The following SNTG1 variants were observed in gnomAD, a reference collection of about 807,000 sequenced individuals.
The protein encoded by SNTG1 is gamma-1-syntrophin.
SNTG1 carries 39 observed loss-of-function variants against 74.7 expected under a neutral mutation model. That is an observed-to-expected ratio of 0.52 (90% confidence interval 0.40 to 0.68). The LOEUF (loss-of-function observed/expected upper bound fraction) is 0.68. SNTG1 is among the 30% of genes least tolerant of loss of function. SNTG1 has a pLI of 0.00. For missense variants in SNTG1, 685 were observed against 609.5 expected, an observed-to-expected ratio of 1.12 and a Z score of -1.30; for synonymous variants, 254 against 217.1, an observed-to-expected ratio of 1.17 and a Z score of -1.49.
intron 9 of SNTG1, among the ~76,000 whole-genome samples, chr8:50,507,842 A>T (rs1425752420): frequency 3.6e-5 from 5 of 137,280 alleles, no homozygotes; most frequent in Admixed American, 7.3e-5. Context: ...CCCTCCCCAC[A>T]CCCCCAAACA....
At chr8:50,130,042 C>G (rs1445729383) in intron 1 of SNTG1, among the ~76,000 whole-genome samples, 1 of 152,142 alleles carries the variant, frequency 6.6e-6, no homozygotes. Flanking sequence ...AAAAAATGTT[C>G]ATGTGAATGT....
In SNTG1 at chr8:50,522,167, A is replaced by G. The variant is rs1026807768; in HGVS notation, c.467-8010A>G. The stretch of plus-strand genomic sequence containing the variant: ...AAACTTTGAAATTCCTTTTTCATCC[A>G]TGGGCTGCAGAATGGATTTTGTGTT... On this transcript the variant is annotated intron_variant, in intron 9 of 18. Coordinates refer to ENST00000642720, the MANE Select transcript of SNTG1 (RefSeq NM_018967.5). Among the ~76,000 whole-genome samples the G allele has an allele frequency of 7.9e-5, 12 of 152,188 alleles. No homozygotes were observed. The East Asian group carries it at 1.4e-3, about 17-fold the overall frequency.
intron 13 of SNTG1, among the ~76,000 whole-genome samples, chr8:50,623,331 G>GA: frequency 6.6e-6 from 1 of 152,146 alleles, no homozygotes; most frequent in Non-Finnish European, 1.5e-5. Flanking sequence ...TTGCTTTGTT[G>GA]AAAAAATTTC....
chr8:50,277,124 G>A (rs1297125478), intron 2 of SNTG1, among the ~76,000 whole-genome samples: 2 of 152,000 alleles, frequency 1.3e-5, no homozygotes, highest in Non-Finnish European at 2.9e-5. Context: ...CACAGCACCT[G>A]GCCAAAGTGG....
intron 2 of SNTG1, among the ~76,000 whole-genome samples, chr8:50,393,803 TC>T (rs1245989680): frequency 7.2e-5 from 11 of 152,218 alleles, no homozygotes; most frequent in Admixed American, 2.6e-4. Context: ...CAATCTTTTT[TC>T]ATGAGGTAAC....
intron 2 of SNTG1, among the ~76,000 whole-genome samples, chr8:50,369,291 G>T (rs548947789): frequency 6.6e-6 from 1 of 152,204 alleles, no homozygotes; most frequent in South Asian, 2.1e-4. Context: ...CATAATATTG[G>T]TGTCCTTTAA....
chr8:50,180,094 T>G (rs1394837421), intron 2 of SNTG1, among the ~76,000 whole-genome samples: 4 of 152,232 alleles, frequency 2.6e-5, no homozygotes, highest in African/African-American at 7.2e-5. Flanking sequence ...ATAATACTAT[T>G]CAGTCTTAAA....
chr8:50,346,275 T>C (rs545810497), intron 2 of SNTG1, among the ~76,000 whole-genome samples: 1 of 152,228 alleles, frequency 6.6e-6, no homozygotes, highest in Non-Finnish European at 1.5e-5. Context: ...TATTTCAAAC[T>C]ATTTCGTTAT....
At chr8:50,526,591 G>A (rs2094221410) in intron 9 of SNTG1, among the ~76,000 whole-genome samples, 1 of 151,412 alleles carries the variant, frequency 6.6e-6, no homozygotes, top group Non-Finnish European at 1.5e-5. Context: ...CTTCATCAAA[G>A]TCAGCATATA....
intron 1 of SNTG1, among the ~76,000 whole-genome samples, chr8:49,976,798 C>T (rs1009672308): frequency 2.0e-5 from 3 of 152,094 alleles, no homozygotes; most frequent in African/African-American, 7.2e-5. Context: ...AGAAATTTTG[C>T]TTAAATTCTG....
intron 12 of SNTG1, among the ~76,000 whole-genome samples, chr8:50,557,921 G>A (rs536928272): frequency 1.3e-5 from 2 of 152,272 alleles, no homozygotes; most frequent in Admixed American, 1.3e-4. Context: ...TGCTTGGGGT[G>A]GGCCCAGAGC....
At chr8:50,748,526 C>T (rs2095560146) in intron 17 of SNTG1, among the ~76,000 whole-genome samples, 1 of 151,988 alleles carries the variant, frequency 6.6e-6, no homozygotes, top group African/African-American at 2.4e-5. Flanking sequence ...TGCTAATTTA[C>T]AGGCATACCT....
intron 12 of SNTG1, among the ~76,000 whole-genome samples, chr8:50,554,223 A>T (rs1488011648): frequency 6.6e-6 from 1 of 152,178 alleles, no homozygotes; most frequent in Non-Finnish European, 1.5e-5. Flanking sequence ...TATTTCAAAC[A>T]ACGCCATCAT....
At chr8:50,789,107 T>C (rs985582840) in intron 18 of SNTG1, among the ~76,000 whole-genome samples, 2 of 152,002 alleles carry the variant, frequency 1.3e-5, no homozygotes, top group Non-Finnish European at 1.5e-5. Context: ...CTGCTTGTAG[T>C]AGACTTGCCT....
chr8:50,276,372 T>TA, intron 2 of SNTG1, among the ~76,000 whole-genome samples: 1 of 53,224 alleles, frequency 1.9e-5, no homozygotes, highest in Middle Eastern at 0.01. Context: ...GCAAGTAAAT[T>TA]TTATATATAT....
At chr8:50,117,847 T>A (rs759258697) in intron 1 of SNTG1, among the ~76,000 whole-genome samples, 4 of 152,126 alleles carry the variant, frequency 2.6e-5, no homozygotes, top group Non-Finnish European at 5.9e-5. Context: ...TAATATTAGG[T>A]CTGAAGTTAG....
At chr8:50,490,199 T>A (rs1217728196) in intron 8 of SNTG1, among the ~76,000 whole-genome samples, 1 of 152,214 alleles carries the variant, frequency 6.6e-6, no homozygotes, top group South Asian at 2.1e-4. Context: ...CGAAATCAAG[T>A]AACATGATGC....
rs188936986 is a variant in SNTG1, at chr8:50,100,610, A to G, written c.-102-71951A>G. ...TATATTAACACAATATTATAATTGA[A>G]TATTTACTTGACAAACTTTTGAGGT... On this transcript the variant is annotated intron_variant, in intron 1 of 18. Coordinates refer to ENST00000642720, the MANE Select transcript of SNTG1 (RefSeq NM_018967.5). 1.4e-4 allele frequency among the ~76,000 whole-genome samples: 22 copies of G among 152,254 alleles called. No homozygotes were observed. The East Asian group carries it at 4.0e-3, about 28-fold the overall frequency.
At position 50,450,748 on chromosome 8, in the gene SNTG1, A is replaced by G. The variant is rs1270890925; in HGVS notation, c.363+19A>G. The G allele has an allele frequency of 9.9e-6, 16 of 1,610,562 alleles. No homozygotes were observed. Among genetic ancestry groups the G allele is most frequent in the Non-Finnish European group, 1.2e-5 (14 of 1,178,592 alleles). ...AGAAGTGGTGAGTTTACTTTTTCCTAATGTCATAGTTTTCCCCATGTGCAA... is the reference window on the plus strand; with the variant it reads ...AGAAGTGGTGAGTTTACTTTTTCCTGATGTCATAGTTTTCCCCATGTGCAA... On this transcript the variant is annotated intron_variant, in intron 8 of 18. Transcript: ENST00000642720.
Sources: gnomAD v4.1 joint callset for allele counts (sites outside exome capture counted in the v4.1 genomes callset) on GRCh38, gnomAD v4.1.1 for gene constraint, MANE v1.5 for transcripts, NCBI Gene and HGNC (gene_info 2026-07-23, HGNC 2026-07-21) for gene names.